AGR2: variants seen among roughly 807,000 people sequenced by gnomAD.
AGR2 encodes anterior gradient protein 2 homolog.
Under a neutral mutation model 25.9 loss-of-function variants are expected in AGR2, and 27 were observed. That is an observed-to-expected ratio of 1.04 (90% CI 0.77 to 1.44). The LOEUF (loss-of-function observed/expected upper bound fraction) is 1.44. Among genes scored for constraint, AGR2 ranks in the 40% most tolerant of loss-of-function variants. The pLI is 0.00. For missense variants in AGR2, 182 were observed against 200.9 expected (o/e 0.91, Z 0.57); for synonymous variants, 78 against 72.0 (o/e 1.08, Z -0.42).
Position 16,801,700 on chromosome 7 carries a change from T to G in AGR2, c.97A>C (p.Thr33Pro), listed in dbSNP as rs1303752097. 6.2e-7 allele frequency: 1 copy of G among 1,613,784 alleles called. No homozygotes were observed. ...TTVKPGAKKD[T>P]KDSRPKLPQT... ...GGCAGTTTGGGTCGAGAGTCCTTTG[T>G]GTCCTTTTTGGCTCCAGGTTTGACT... Residue 33 changes from threonine (T) to proline (P), a missense_variant, in exon 2 of 8, where the codon ACA becomes CCA. Thr to Pro is a conservative substitution (Grantham distance 38). Coordinates refer to ENST00000419304, the MANE Select transcript of AGR2 (RefSeq NM_006408.4).
chr7:16,804,712 C>G (rs1785204552), intron 1 of AGR2, among the ~76,000 whole-genome samples: 1 of 152,134 alleles, frequency 6.6e-6, no homozygotes, highest in South Asian at 2.1e-4. Flanking sequence ...GAAAGCATTT[C>G]TCTGAACTAA....
In AGR2 at chr7:16,792,642, G is replaced by T; in HGVS notation, c.*266C>A. ...ACGAACCACTGTGAAAGACCAAGTT[G>T]GAGAAAACAGAACACCCCCAAAACA... On this transcript the variant is annotated 3_prime_UTR_variant, in exon 8 of 8. Coordinates refer to ENST00000419304, the MANE Select transcript of AGR2 (RefSeq NM_006408.4). The T allele has an allele frequency of 2.4e-6, 1 of 409,422 alleles. No homozygotes were observed. Among genetic ancestry groups the T allele is most frequent in the Non-Finnish European group, 4.4e-6 (1 of 227,854 alleles). 25.4% of individuals were successfully genotyped at this position (409,422 alleles called of 1,614,324 possible).
At chr7:16,800,399 C>A (rs187008492) in intron 4 of AGR2, among the ~76,000 whole-genome samples, 1 of 152,142 alleles carries the variant, frequency 6.6e-6, no homozygotes, top group Non-Finnish European at 1.5e-5. Flanking sequence ...AGGAACAGCA[C>A]GAAGGCCAGG....
intron 7 of AGR2, 62 bp from the exon 8 acceptor site, chr7:16,793,019 C>T: frequency 1.4e-6 from 2 of 1,475,788 alleles, no homozygotes; most frequent in Non-Finnish European, 1.9e-6. Flanking sequence ...ATATAATAAA[C>T]CCCAAACTTG....
chr7:16,801,838 A>G (rs760012987), intron 1 of AGR2, 35 bp from the exon 2 acceptor site: 2 of 1,584,388 alleles, frequency 1.3e-6, no homozygotes, highest in Non-Finnish European at 1.7e-6. Context: ...CAGTAAACAA[A>G]ATTGAACTAG....
intron 5 of AGR2, chr7:16,799,492 A>G (rs1342731589): frequency 2.4e-6 from 1 of 415,788 alleles, no homozygotes; most frequent in East Asian, 4.0e-5. Flanking sequence ...ACCTTCCAGC[A>G]ACAGAAAAAA....
Position 16,792,077 on chromosome 7 carries a change from C to G in AGR2, c.*831G>C, listed in dbSNP as rs1669402871. The G allele has an allele frequency of 6.6e-6, 1 of 152,254 alleles. No homozygotes were observed. The highest frequency in any genetic ancestry group is 1.5e-5 in the Non-Finnish European group (1 of 68,080). 9.4% of individuals were successfully genotyped at this position (152,254 alleles called of 1,614,324 possible). ...AACCCTAGTAACCTCTGATCTCCATCTGCCTCATCAACACGTCACCACCCT... is the reference window on the plus strand; with the variant it reads ...AACCCTAGTAACCTCTGATCTCCATGTGCCTCATCAACACGTCACCACCCT... On this transcript the variant is annotated 3_prime_UTR_variant, in exon 8 of 8. Transcript: ENST00000419304.
chr7:16,793,368 A>G (rs576312340), intron 7 of AGR2, among the ~76,000 whole-genome samples: 1 of 152,316 alleles, frequency 6.6e-6, no homozygotes, highest in African/African-American at 2.4e-5. Flanking sequence ...GCTTTTTATC[A>G]TGAGGTGAAT....
intron 2 of AGR2, 99 bp downstream of exon 2, chr7:16,801,559 T>C (rs188943520): frequency 2.1e-4 from 308 of 1,496,672 alleles, no homozygotes; most frequent in Admixed American, 3.7e-4. Context: ...CAACCAAAAA[T>C]AACCTGGCAC....
intron 7 of AGR2, among the ~76,000 whole-genome samples, chr7:16,793,798 GTTTC>G (rs1699058286): frequency 6.6e-6 from 1 of 152,168 alleles, no homozygotes; most frequent in Admixed American, 6.5e-5. Flanking sequence ...CTGGGTCACT[GTTTC>G]TTCAACAGCA....
chr7:16,802,917 C>T (rs1785175221), intron 1 of AGR2, among the ~76,000 whole-genome samples: 1 of 152,032 alleles, frequency 6.6e-6, no homozygotes, highest in East Asian at 1.9e-4. Context: ...ACTGCAACCT[C>T]CACCTCCTGG....
chr7:16,804,888 A>G (rs1053242197), intron 1 of AGR2, 47 bp downstream of exon 1: 5 of 152,264 alleles, frequency 3.3e-5, no homozygotes, highest in African/African-American at 1.2e-4. Context: ...AGAGGCCCGA[A>G]TTCACTCCAG....
At chr7:16,795,113 G>A (rs1188478040) in intron 6 of AGR2, 94 bp from the exon 7 acceptor site, 1 of 1,316,856 alleles carries the variant, frequency 7.6e-7, no homozygotes, top group East Asian at 2.4e-5. Flanking sequence ...ATGTATTCAT[G>A]TCCTGTGAGG....
In AGR2 at chr7:16,801,680, T is replaced by C; in HGVS notation, c.117A>G (p.Lys39=). The C allele has an allele frequency of 6.2e-7, 1 of 1,613,456 alleles. No homozygotes were observed. The highest frequency in any genetic ancestry group is 1.1e-5 in the South Asian group (1 of 90,984). The change falls in exon 2 of 8, where the codon AAA becomes AAG. Residue 39 remains lysine, a synonymous_variant. Coordinates refer to ENST00000419304, the MANE Select transcript of AGR2 (RefSeq NM_006408.4). ...TACCTCTGGAGAGGGTCTGGGGCAGTTTGGGTCGAGAGTCCTTTGTGTCCT... is the reference window on the plus strand; with the variant it reads ...TACCTCTGGAGAGGGTCTGGGGCAGCTTGGGTCGAGAGTCCTTTGTGTCCT... The part of the protein sequence containing the change: ...AKKDTKDSRP[K]LPQTLSRGWG...
intron 5 of AGR2, chr7:16,799,541 T>G: frequency 2.0e-6 from 1 of 507,748 alleles, no homozygotes; most frequent in Non-Finnish European, 3.5e-6. Context: ...CAAACTAAGA[T>G]GATTAATTAC....
At chr7:16,798,771 G>T (rs1173666277) in intron 5 of AGR2, among the ~76,000 whole-genome samples, 1 of 152,212 alleles carries the variant, frequency 6.6e-6, no homozygotes, top group African/African-American at 2.4e-5. Flanking sequence ...ATTGCATGCT[G>T]TAGGTAAGTA....
chr7:16,800,150 C>T (rs1785117266), intron 4 of AGR2, among the ~76,000 whole-genome samples: 2 of 152,188 alleles, frequency 1.3e-5, no homozygotes, highest in African/African-American at 4.8e-5. Flanking sequence ...AGCTCACATA[C>T]TTGTGTGGGA....
At chr7:16,801,452 G>C in intron 2 of AGR2, 69 bp from the exon 3 acceptor site, 2 of 1,442,008 alleles carry the variant, frequency 1.4e-6, no homozygotes, top group Non-Finnish European at 1.9e-6. Context: ...GAAAAGCAAT[G>C]GTAAAGACTG....
intron 7 of AGR2, 83 bp downstream of exon 7, chr7:16,794,853 C>T: frequency 6.3e-7 from 1 of 1,599,374 alleles, no homozygotes; most frequent in Non-Finnish European, 8.5e-7. Context: ...TCTCTCACCT[C>T]ACCATGCAGC....
Sources: allele counts gnomAD v4.1 joint callset (sites outside exome capture counted in the v4.1 genomes callset), GRCh38; gene constraint gnomAD v4.1.1; transcripts MANE v1.5; gene names NCBI Gene and HGNC (gene_info 2026-07-23, HGNC 2026-07-21).